Variants in HDAC9 observed in about 807,000 individuals in gnomAD.
HDAC9 encodes the protein histone deacetylase 9, also known as MEF-2 interacting transcription repressor (MITR) protein.
Under a neutral mutation model 139.4 loss-of-function variants are expected in HDAC9, and 41 were observed. The ratio of observed to expected loss-of-function variants is 0.29; its 90% confidence interval spans 0.23 to 0.38. The LOEUF (loss-of-function observed/expected upper bound fraction) is 0.38. HDAC9 is among the 10% of genes least tolerant of loss of function. The pLI is 1.00. For synonymous variants in HDAC9, 517 were observed against 476.2 expected (o/e 1.09, Z -1.12); for missense variants, 1,147 against 1,297.0 (o/e 0.88, Z 1.78).
chr7:18,374,122 A>G (rs550053595), intron 1 of HDAC9, among the ~76,000 whole-genome samples: 41 of 151,874 alleles, frequency 2.7e-4, no homozygotes, highest in African/African-American at 8.4e-4. Flanking sequence ...CATATATATC[A>G]TAAAAATATA....
chr7:18,979,006 C>G (rs1224025836), intron 25 of HDAC9, among the ~76,000 whole-genome samples: 1 of 152,022 alleles, frequency 6.6e-6, no homozygotes, highest in African/African-American at 2.4e-5. Context: ...TTGCAGTTGT[C>G]ATTTTGACCT....
chr7:18,130,478 C>G (rs2128101205), intron 1 of HDAC9, among the ~76,000 whole-genome samples: 1 of 152,156 alleles, frequency 6.6e-6, no homozygotes, highest in East Asian at 1.9e-4. Context: ...TTTCAACATC[C>G]TCATATGCCT....
chr7:18,158,634 G>T (rs370637400), intron 1 of HDAC9, among the ~76,000 whole-genome samples: 2 of 152,262 alleles, frequency 1.3e-5, no homozygotes, highest in African/African-American at 4.8e-5. Context: ...CAGCTGATTC[G>T]GTATAACCCA....
At chr7:18,699,364 CTGTG>C (rs374334891) in intron 12 of HDAC9, among the ~76,000 whole-genome samples, 2 of 151,314 alleles carry the variant, frequency 1.3e-5, no homozygotes. Flanking sequence ...GTAGGTGTGT[CTGTG>C]TGTGTGTGCG....
intron 13 of HDAC9, among the ~76,000 whole-genome samples, chr7:18,730,925 T>TA (rs1236623656): frequency 6.6e-6 from 1 of 152,094 alleles, no homozygotes; most frequent in Non-Finnish European, 1.5e-5. Flanking sequence ...CATTATGAAG[T>TA]AAAAAATAAT....
intron 1 of HDAC9, among the ~76,000 whole-genome samples, chr7:18,391,214 G>T (rs1304901333): frequency 6.6e-6 from 1 of 151,772 alleles, no homozygotes; most frequent in Admixed American, 6.6e-5. Flanking sequence ...GTGAAACCCC[G>T]TCTCTACTAA....
At chr7:18,421,374 A>G (rs1247506301) in intron 1 of HDAC9, among the ~76,000 whole-genome samples, 2 of 140,000 alleles carry the variant, frequency 1.4e-5, no homozygotes, top group African/African-American at 2.6e-5. Flanking sequence ...GAAGGGAGGG[A>G]GGGATGGAAG....
At chr7:18,547,297 A>G (rs1200106870) in intron 2 of HDAC9, among the ~76,000 whole-genome samples, 1 of 152,034 alleles carries the variant, frequency 6.6e-6, no homozygotes, top group Non-Finnish European at 1.5e-5. Context: ...GTGCAGTGGC[A>G]CGATCTCCGC....
chr7:18,309,383 G>GC (rs1799149720), intron 1 of HDAC9, among the ~76,000 whole-genome samples: 1 of 152,108 alleles, frequency 6.6e-6, no homozygotes, highest in Non-Finnish European at 1.5e-5. Context: ...AGTAATACCA[G>GC]CTTGATACTA....
At chr7:18,102,113 A>G (rs1584047408) in intron 1 of HDAC9, among the ~76,000 whole-genome samples, 1 of 152,346 alleles carries the variant, frequency 6.6e-6, no homozygotes, top group Admixed American at 6.5e-5. Context: ...GATAAAATAT[A>G]CTACTGTGAA....
chr7:18,669,217 A>T (rs1795512819), intron 12 of HDAC9, among the ~76,000 whole-genome samples: 1 of 151,852 alleles, frequency 6.6e-6, no homozygotes, highest in Non-Finnish European at 1.5e-5. Context: ...AATTATTTTT[A>T]AAAAGCTTAA....
chr7:18,237,811 A>C (rs1793925460), intron 2 of HDAC9, among the ~76,000 whole-genome samples: 1 of 152,178 alleles, frequency 6.6e-6, no homozygotes, highest in South Asian at 2.1e-4. Flanking sequence ...CCCAGGAGAA[A>C]GGTGTGGGCT....
intron 1 of HDAC9, among the ~76,000 whole-genome samples, chr7:18,476,511 A>G (rs182291504): frequency 6.6e-6 from 1 of 151,810 alleles, no homozygotes; most frequent in Non-Finnish European, 1.5e-5. Flanking sequence ...GGGGACTTAA[A>G]TGTGGCAGGA....
chr7:18,410,191 T>C (rs912369952), intron 1 of HDAC9, among the ~76,000 whole-genome samples: 9 of 152,282 alleles, frequency 5.9e-5, no homozygotes, highest in East Asian at 3.9e-4. Context: ...TCTTTAGAAA[T>C]GGTTATTTTC....
At chr7:18,431,707 A>AT (rs1585853172) in intron 1 of HDAC9, among the ~76,000 whole-genome samples, 2 of 152,208 alleles carry the variant, frequency 1.3e-5, no homozygotes, top group East Asian at 1.9e-4. Flanking sequence ...TACATACTGG[A>AT]TTGATGAATG....
At chr7:18,598,813 C>G (rs1322787349) in intron 6 of HDAC9, among the ~76,000 whole-genome samples, 1 of 152,230 alleles carries the variant, frequency 6.6e-6, no homozygotes, top group Non-Finnish European at 1.5e-5. Context: ...GGGCAACTCA[C>G]AAGGCTACTG....
At position 18,610,408 on chromosome 7, in the gene HDAC9, C is replaced by G. The variant is rs570922448; in HGVS notation, c.664+16379C>G. On this transcript the variant is annotated intron_variant, in intron 6 of 25. Transcript: ENST00000686413. ...CTCTCCCTCCAAATTTTGACAATAA[C>G]CCAGAGCAAGCCTAGGCTCACCTTT... Among the ~76,000 whole-genome samples, 4 of 152,222 alleles carry G rather than the reference C, an allele frequency of 2.6e-5. No homozygotes were observed. The South Asian group carries it at 6.2e-4, about 24-fold the overall frequency.
rs868591026 is a variant in HDAC9, at chr7:18,163,672, A to G, written c.25+1323A>G. ...GTGTGTTCTGTGAGCGGCATTGCTT[A>G]TTACAATTATAGTCTAGTACTATTA... On this transcript the variant is annotated intron_variant, in intron 2 of 12. Coordinates refer to the HDAC9 transcript ENST00000417496. 6.6e-5 allele frequency among the ~76,000 whole-genome samples: 10 copies of G among 152,288 alleles called. No homozygotes were observed. In the South Asian group the frequency reaches 2.1e-3, roughly 32 times the overall value.
At chr7:18,878,420 CAT>C (rs1320990968) in intron 22 of HDAC9, among the ~76,000 whole-genome samples, 2 of 152,080 alleles carry the variant, frequency 1.3e-5, no homozygotes, top group Non-Finnish European at 2.9e-5. Context: ...CTTTTATAAA[CAT>C]GTGAAATACA....
Sources: allele counts gnomAD v4.1 joint callset (sites outside exome capture counted in the v4.1 genomes callset), GRCh38; gene constraint gnomAD v4.1.1; transcripts MANE v1.5; gene names NCBI Gene and HGNC (gene_info 2026-07-23, HGNC 2026-07-21).